Variants in IWS1 observed in about 807,000 individuals in gnomAD.
IWS1 encodes the protein protein IWS1 homolog.
A neutral mutation model predicts 86.7 loss-of-function variants in IWS1; 27 were observed. The ratio of observed to expected loss-of-function variants is 0.31; its 90% CI spans 0.23 to 0.43. The LOEUF is 0.43. Among genes scored for constraint, IWS1 ranks in the 20% least tolerant of loss-of-function variants. The probability of loss-of-function intolerance (pLI) is 1.00; values close to 1 mark genes in which losing one functional copy is unlikely to be tolerated. For synonymous variants in IWS1, 313 were observed against 335.1 expected, an observed-to-expected ratio of 0.93 and a Z score of 0.72; for missense variants, 827 against 1,000.8, an observed-to-expected ratio of 0.83 and a Z score of 2.34.
intron 2 of IWS1, among the ~76,000 whole-genome samples, chr2:127,517,908 G>C (rs1326370546): frequency 6.6e-5 from 10 of 152,200 alleles, no homozygotes; most frequent in African/African-American, 1.7e-4. Context: ...GTACTCATGT[G>C]TGCTACAACA....
intron 9 of IWS1, 126 bp downstream of exon 9, chr2:127,493,155 T>C: frequency 1.2e-6 from 1 of 846,906 alleles, no homozygotes; most frequent in Non-Finnish European, 1.7e-6. Context: ...GTTCCTTTTT[T>C]CCAACCCCTC....
chr2:127,519,337 C>T (rs1691958823), intron 2 of IWS1, among the ~76,000 whole-genome samples: 1 of 138,284 alleles, frequency 7.2e-6, no homozygotes, highest in South Asian at 2.5e-4. Context: ...TAGACATATA[C>T]AATTACTTTA....
intron 13 of IWS1, among the ~76,000 whole-genome samples, chr2:127,483,722 T>C (rs2105017945): frequency 6.6e-6 from 1 of 151,840 alleles, no homozygotes; most frequent in African/African-American, 2.4e-5. Flanking sequence ...CTCAAACTCC[T>C]GGGCTCGAGT....
chr2:127,515,392 C>A (rs951703574), intron 2 of IWS1, among the ~76,000 whole-genome samples: 4 of 152,190 alleles, frequency 2.6e-5, no homozygotes, highest in Non-Finnish European at 4.4e-5. Context: ...CAAGGCTGCT[C>A]TCTCTGGAGG....
At chr2:127,524,696 C>G (rs1692296859) in intron 1 of IWS1, among the ~76,000 whole-genome samples, 1 of 151,690 alleles carries the variant, frequency 6.6e-6, no homozygotes, top group South Asian at 2.1e-4. Context: ...GTGCCCGCCA[C>G]CACGCCTGGC....
chr2:127,507,563 T>C (rs12620037), intron 2 of IWS1, among the ~76,000 whole-genome samples: 20,702 of 152,200 alleles, frequency 0.14, 1,708 homozygotes, highest in South Asian at 0.3. Flanking sequence ...TTGAGAGATA[T>C]CATAGAATCT....
At chr2:127,488,867 C>T (rs1256697418) in intron 12 of IWS1, among the ~76,000 whole-genome samples, 1 of 152,234 alleles carries the variant, frequency 6.6e-6, no homozygotes, top group Non-Finnish European at 1.5e-5. Flanking sequence ...CTCCCTTTGC[C>T]TATCATCCTT....
At chr2:127,501,331 CG>C (rs374915819) in intron 5 of IWS1, among the ~76,000 whole-genome samples, 217 of 152,192 alleles carry the variant, frequency 1.4e-3, no homozygotes, top group African/African-American at 5.1e-3. Flanking sequence ...CTTTTCTGAA[CG>C]TATTTTTTTT....
At position 127,481,159 on chromosome 2, in the gene IWS1, T is replaced by C. The variant is rs1447107473; in HGVS notation, c.2345A>G (p.Lys782Arg). Residue 782 changes from lysine to arginine, a missense_variant, in exon 14 of 14, where the codon AAG becomes AGG. Lys to Arg is a conservative substitution (Grantham distance 26, BLOSUM62 2). Transcript: ENST00000295321. ...TTTATCCAGTCGACTGATACCCTTCTTGGAGGTCGCCTGAAACTAAGAGTA... is the reference window on the plus strand; with the variant it reads ...TTTATCCAGTCGACTGATACCCTTCCTGGAGGTCGCCTGAAACTAAGAGTA... ...MESSRFQATS[K>R]KGISRLDKQM... 13 of 1,603,082 alleles carry C rather than the reference T, an allele frequency of 8.1e-6. No individual in the cohort carries two copies. Among genetic ancestry groups the C allele is most frequent in the Non-Finnish European group, 1.1e-5 (13 of 1,176,992 alleles).
rs768134543 is a variant in IWS1, at chr2:127,489,866, G to C, written c.2125C>G (p.Leu709Val). 1.9e-6 allele frequency: 3 copies of C among 1,612,234 alleles called. No individual in the cohort carries two copies. The highest frequency in any genetic ancestry group is 2.5e-6 in the Non-Finnish European group (3 of 1,178,320). Reference sequence around the variant, plus strand: ...CTTCGTCGTTGAGGCATCTGTTCTAGATCTCTCTGCTCCCTTTCTTCTCTT... The same window carrying C: ...CTTCGTCGTTGAGGCATCTGTTCTACATCTCTCTGCTCCCTTTCTTCTCTT... The part of the protein sequence containing the change: ...MTREEREQRD[L>V]EQMPQRRRMN... Residue 709 changes from leucine to valine, a missense_variant, in exon 11 of 14, where the codon CTA (leucine) becomes GTA (valine). Physicochemically the swap from Leu to Val is conservative, Grantham distance 32 (BLOSUM62 1). This residue lies in a region of IWS1 where 279 missense variants were observed against 440.6 expected (regional missense o/e 0.63). Coordinates refer to ENST00000295321, the MANE Select transcript of IWS1 (RefSeq NM_017969.3). The surrounding 1 kb of genome is among the most constrained non-coding windows in gnomAD (Gnocchi z 4.8).
chr2:127,491,988 A>G lies in IWS1; in HGVS notation c.2030T>C (p.Met677Thr). Residue 677 changes from methionine (M) to threonine (T), a missense_variant, in exon 10 of 14, where the codon ATG becomes ACG. Physicochemically the swap from Met to Thr is moderately conservative, Grantham distance 81. Transcript: ENST00000295321. ...TTACATACTGATTAATTTCCCTGCC[A>G]TGTCCTTGTTAGACCTTGACTCCTT... ...HPKESRSNKDMAGKLINEWSR... is the reference protein window; with the variant it reads ...HPKESRSNKDTAGKLINEWSR... The G allele has an allele frequency of 6.2e-7, 1 of 1,608,780 alleles. No individual in the cohort carries two copies. The highest frequency in any genetic ancestry group is 8.5e-7 in the Non-Finnish European group (1 of 1,175,170).
chr2:127,486,693 T>G, intron 12 of IWS1, 29 bp from the exon 13 acceptor site: 2 of 1,568,552 alleles, frequency 1.3e-6, no homozygotes, highest in Non-Finnish European at 1.8e-6. Flanking sequence ...AGAGCATGCT[T>G]CTTATGTGGC....
At position 127,497,964 on chromosome 2, in the gene IWS1, G is replaced by A. The variant is rs527315344; in HGVS notation, c.1565+176C>T. Among the ~76,000 whole-genome samples, 6 of 152,256 alleles carry A rather than the reference G, an allele frequency of 3.9e-5. No homozygotes were observed. In the East Asian group the frequency reaches 7.7e-4, roughly 20 times the overall value. On this transcript the variant is annotated intron_variant, in intron 6 of 13. Coordinates refer to ENST00000295321, the MANE Select transcript of IWS1 (RefSeq NM_017969.3). ...TAAGACATCTGAGCACAGGGTAAAT[G>A]AAAGACAAGTAACAACAGCAGGTAA...
chr2:127,485,580 G>A (rs189158345), intron 13 of IWS1, among the ~76,000 whole-genome samples: 1 of 152,080 alleles, frequency 6.6e-6, no homozygotes, highest in Admixed American at 6.5e-5. Context: ...TGTAATTCTG[G>A]GTCCTAACAA....
chr2:127,509,535 T>C (rs569146073), intron 2 of IWS1, among the ~76,000 whole-genome samples: 89 of 152,008 alleles, frequency 5.9e-4, no homozygotes, highest in African/African-American at 1.9e-3. Context: ...GGTGAAACCC[T>C]GTCTCTACGA....
At chr2:127,526,694 A>G (rs1180061649), upstream of IWS1, 2 of 1,306,872 alleles carry the variant, frequency 1.5e-6, no homozygotes, top group South Asian at 2.5e-5. Flanking sequence ...TTGATTCTTT[A>G]TCATTTCCTA....
At chr2:127,520,162 A>AT (rs1301382348) in intron 2 of IWS1, among the ~76,000 whole-genome samples, 3 of 151,702 alleles carry the variant, frequency 2.0e-5, no homozygotes, top group East Asian at 3.9e-4. Flanking sequence ...GTACTGCCCC[A>AT]TTTTTTTTGT....
chr2:127,515,639 C>T (rs1558767334), intron 2 of IWS1, among the ~76,000 whole-genome samples: 1 of 152,176 alleles, frequency 6.6e-6, no homozygotes, highest in Non-Finnish European at 1.5e-5. Flanking sequence ...ACCGACCTCC[C>T]CAGTGAAAAT....
At chr2:127,490,676 C>T (rs989252169) in intron 10 of IWS1, 1 of 152,254 alleles carries the variant, frequency 6.6e-6, no homozygotes, top group Non-Finnish European at 1.5e-5. Flanking sequence ...ATTGACCCCA[C>T]TTCTGGATTC....
Sources: allele counts gnomAD v4.1 joint callset (sites outside exome capture counted in the v4.1 genomes callset), GRCh38; gene constraint gnomAD v4.1.1; regional missense constraint gnomAD v4.1.1; non-coding constraint Gnocchi (gnomAD v3.1); transcripts MANE v1.5; gene names NCBI Gene and HGNC (gene_info 2026-07-23, HGNC 2026-07-21).